KLHL29: variants seen among roughly 807,000 people sequenced by gnomAD.
KLHL29 encodes kelch-like protein 29.
Under a neutral mutation model 80.4 loss-of-function variants are expected in KLHL29, and 21 were observed. The observed-to-expected ratio is 0.26, with a 90% CI of 0.19 to 0.38. The LOEUF is 0.38. Among genes scored for constraint, KLHL29 ranks in the 10% least tolerant of loss-of-function variants. The probability of loss-of-function intolerance (pLI) is 1.00; values close to 1 mark genes in which losing one functional copy is unlikely to be tolerated. For synonymous variants in KLHL29, 511 were observed against 526.8 expected (o/e 0.97, Z 0.41); for missense variants, 867 against 1,223.9 (o/e 0.71, Z 4.35).
At chr2:23,470,581 A>G (rs1465091395) in intron 1 of KLHL29, among the ~76,000 whole-genome samples, 2 of 152,254 alleles carry the variant, frequency 1.3e-5, no homozygotes, top group African/African-American at 2.4e-5. Context: ...GTAAACTTCA[A>G]GCCTTATGAA....
intron 3 of KLHL29, among the ~76,000 whole-genome samples, chr2:23,606,306 A>G (rs757709014): frequency 5.3e-5 from 8 of 152,052 alleles, no homozygotes; most frequent in Non-Finnish European, 1.0e-4. Flanking sequence ...CCTGCTCAGG[A>G]AAGCTGGAAG....
chr2:23,425,878 G>T (rs1271844545), intron 1 of KLHL29, among the ~76,000 whole-genome samples: 1 of 152,164 alleles, frequency 6.6e-6, no homozygotes, highest in Non-Finnish European at 1.5e-5. Context: ...TTTCTTCATA[G>T]GGCACAAATC....
chr2:23,602,100 C>T (rs1668585950), intron 3 of KLHL29, among the ~76,000 whole-genome samples: 1 of 152,206 alleles, frequency 6.6e-6, no homozygotes, highest in African/African-American at 2.4e-5. Flanking sequence ...CAGTGCATCC[C>T]TGGTCCCCCT....
intron 1 of KLHL29, among the ~76,000 whole-genome samples, chr2:23,411,618 C>T (rs755617457): frequency 2.6e-5 from 4 of 152,092 alleles, no homozygotes; most frequent in Admixed American, 6.5e-5. Flanking sequence ...TCCATTCCCG[C>T]TGTCGGGAGA....
At chr2:23,619,982 T>C (rs1369339059) in intron 3 of KLHL29, among the ~76,000 whole-genome samples, 1 of 152,190 alleles carries the variant, frequency 6.6e-6, no homozygotes, top group East Asian at 1.9e-4. Context: ...TGGGGCATGC[T>C]GGGGAACCAG....
chr2:23,543,877 G>A (rs1346795598), intron 2 of KLHL29, among the ~76,000 whole-genome samples: 2 of 152,152 alleles, frequency 1.3e-5, no homozygotes, highest in African/African-American at 4.8e-5. Context: ...CTTGGGGCTG[G>A]GGGAACTGGC....
intron 6 of KLHL29, among the ~76,000 whole-genome samples, chr2:23,688,356 C>A (rs1486062990): frequency 6.6e-6 from 1 of 152,196 alleles, no homozygotes; most frequent in Non-Finnish European, 1.5e-5. Flanking sequence ...CCCACCACTG[C>A]CCATGGATTC....
At chr2:23,498,610 G>A (rs147264952) in intron 2 of KLHL29, among the ~76,000 whole-genome samples, 16 of 152,348 alleles carry the variant, frequency 1.1e-4, no homozygotes, top group East Asian at 1.9e-4. Flanking sequence ...CAGCGCCTTC[G>A]TTAGGACATT....
intron 3 of KLHL29, among the ~76,000 whole-genome samples, chr2:23,623,617 A>G (rs1357562581): frequency 6.6e-6 from 1 of 152,188 alleles, no homozygotes; most frequent in African/African-American, 2.4e-5. Flanking sequence ...GGTGTCTGCC[A>G]GCTACTCCTG....
chr2:23,593,855 G>A (rs1443848406), intron 3 of KLHL29, among the ~76,000 whole-genome samples: 1 of 152,190 alleles, frequency 6.6e-6, no homozygotes, highest in Non-Finnish European at 1.5e-5. Flanking sequence ...AGGGCACCCT[G>A]TGGCCAGGCG....
chr2:23,501,799 C>G (rs910395812), intron 2 of KLHL29, among the ~76,000 whole-genome samples: 5 of 152,176 alleles, frequency 3.3e-5, no homozygotes, highest in African/African-American at 1.2e-4. Context: ...CAGTTTTGCA[C>G]TGACAAATGC....
intron 5 of KLHL29, among the ~76,000 whole-genome samples, chr2:23,654,817 G>A (rs563702233): frequency 3.9e-5 from 6 of 152,148 alleles, no homozygotes; most frequent in African/African-American, 1.4e-4. Context: ...GAAAACCAAG[G>A]CCTGGCTTAA....
chr2:23,527,673 G>A (rs1022640035), intron 2 of KLHL29, among the ~76,000 whole-genome samples: 15 of 152,160 alleles, frequency 9.9e-5, no homozygotes, highest in African/African-American at 3.4e-4. Context: ...TCCAAAACAC[G>A]CAGCCCACGA....
At chr2:23,517,750 T>C (rs1035709488) in intron 2 of KLHL29, among the ~76,000 whole-genome samples, 1 of 152,206 alleles carries the variant, frequency 6.6e-6, no homozygotes, top group African/African-American at 2.4e-5. Flanking sequence ...GGTTCTCTGC[T>C]CCTAGGGCAC....
chr2:23,608,869 GATAATA>G (rs375080716), intron 3 of KLHL29, among the ~76,000 whole-genome samples: 13 of 152,068 alleles, frequency 8.5e-5, no homozygotes, highest in South Asian at 2.1e-4. Context: ...TAACGATAAA[GATAATA>G]ATAATAATAA....
intron 5 of KLHL29, 75 bp downstream of exon 5, chr2:23,642,925 G>A: frequency 6.6e-7 from 1 of 1,504,106 alleles, no homozygotes; most frequent in Non-Finnish European, 9.1e-7. Context: ...AACACCACCG[G>A]GACAGGGGGT....
At chr2:23,515,123 A>C (rs1352993950) in intron 2 of KLHL29, among the ~76,000 whole-genome samples, 1 of 152,120 alleles carries the variant, frequency 6.6e-6, no homozygotes, top group Non-Finnish European at 1.5e-5. Flanking sequence ...CTCTAACCCA[A>C]ATCACTTTCT....
intron 3 of KLHL29, among the ~76,000 whole-genome samples, chr2:23,563,664 G>A (rs567763689): frequency 9.8e-5 from 15 of 152,310 alleles, no homozygotes; most frequent in African/African-American, 3.6e-4. Flanking sequence ...TTTGTCTCCT[G>A]GTTTTCAAAA....
At position 23,562,590 on chromosome 2, in the gene KLHL29, C is replaced by T. The variant is rs1323117017; in HGVS notation, c.285+109C>T. Reference sequence around the variant, plus strand: ...TGTGGGGCAGCCTGTGCTCCACGCCCCGAGTCCTCCAGAGTCTTGTCCTTC... The same window carrying T: ...TGTGGGGCAGCCTGTGCTCCACGCCTCGAGTCCTCCAGAGTCTTGTCCTTC... On this transcript the variant is annotated intron_variant, in intron 3 of 13. Coordinates refer to ENST00000486442, the MANE Select transcript of KLHL29 (RefSeq NM_052920.2). This position sits in a 1 kb window ranked among gnomAD's most constrained non-coding sequence, Gnocchi z 4.5. 1.8e-6 allele frequency: 2 copies of T among 1,111,040 alleles called. No homozygotes were observed. The highest frequency in any genetic ancestry group is 3.2e-5 in the African/African-American group (2 of 63,068). The allele number at this position is 1,111,040 out of a possible 1,614,324, so 68.8% of individuals were successfully genotyped here. A position where few individuals can be genotyped will look rare whatever the true frequency, so the allele number is the denominator to read the frequency against.
Sources: allele counts gnomAD v4.1 joint callset (sites outside exome capture counted in the v4.1 genomes callset), GRCh38; gene constraint gnomAD v4.1.1; non-coding constraint Gnocchi (gnomAD v3.1); transcripts MANE v1.5; gene names NCBI Gene and HGNC (gene_info 2026-07-23, HGNC 2026-07-21).